Variants in DNAJC7 observed in about 807,000 individuals in gnomAD.
The protein encoded by DNAJC7 is DnaJ heat shock protein family (Hsp40) member C7.
In DNAJC7, 18 loss-of-function variants were observed where a neutral mutation model predicts 67.4. The ratio of observed to expected loss-of-function variants is 0.27; its 90% CI spans 0.18 to 0.40. DNAJC7 has a LOEUF of 0.40. Among genes scored for constraint, DNAJC7 ranks in the 10% least tolerant of loss-of-function variants. The probability of loss-of-function intolerance (pLI) is 1.00; values close to 1 mark genes in which losing one functional copy is unlikely to be tolerated. For missense variants in DNAJC7, 419 were observed against 613.8 expected (o/e 0.68, Z 3.35); for synonymous variants, 220 against 207.8 (o/e 1.06, Z -0.50).
intron 1 of DNAJC7, among the ~76,000 whole-genome samples, chr17:42,008,149 CAAAAATACA>C (rs1358569562): frequency 6.6e-6 from 1 of 151,030 alleles, no homozygotes; most frequent in Non-Finnish European, 1.5e-5. Flanking sequence ...CCCATCTCTA[CAAAAATACA>C]AAAATTAGCC....
At chr17:41,982,189 TGA>T in intron 11 of DNAJC7, 64 bp downstream of exon 11, 1 of 1,602,094 alleles carries the variant, frequency 6.2e-7, no homozygotes, top group Non-Finnish European at 8.5e-7. Context: ...CCCTCTGGAC[TGA>T]GTGTGGCAGT....
intron 4 of DNAJC7, 180 bp from the exon 5 acceptor site, chr17:41,995,124 C>G (rs1038939205): frequency 3.0e-6 from 2 of 667,260 alleles, no homozygotes; most frequent in Non-Finnish European, 5.4e-6. Context: ...TGATCCAGTT[C>G]TAGGGCTCTC....
chr17:41,998,823 G>A (rs1555649028), intron 2 of DNAJC7, among the ~76,000 whole-genome samples: 1 of 152,098 alleles, frequency 6.6e-6, no homozygotes, highest in African/African-American at 2.4e-5. Context: ...GGTGGGTTTT[G>A]CCATAACATT....
intron 1 of DNAJC7, chr17:42,016,976 A>T (rs936207763): frequency 2.4e-6 from 3 of 1,234,774 alleles, no homozygotes; most frequent in Non-Finnish European, 3.1e-6. Flanking sequence ...GAAGTTAACA[A>T]GAGAACGCGG....
chr17:41,980,735 G>A (rs2051227499), intron 12 of DNAJC7, among the ~76,000 whole-genome samples: 1 of 152,192 alleles, frequency 6.6e-6, no homozygotes, highest in Non-Finnish European at 1.5e-5. Flanking sequence ...AGCCCACAGT[G>A]AGCAACAATA....
At position 42,017,438 on chromosome 17, in the gene DNAJC7, C is replaced by T. The variant is rs1555652165; in HGVS notation, c.-22G>A. On this transcript the variant is annotated 5_prime_UTR_variant, in exon 1 of 14. Transcript: ENST00000457167. ...CCATCTTACCGCCGGGACCAGAGAG[C>T]TGGGTGGGAGGCCGGCGGTGAAGAG... 2 of 1,604,258 alleles carry T rather than the reference C, an allele frequency of 1.2e-6. 1 individual carries two copies. The highest frequency in any genetic ancestry group is 2.2e-5 in the South Asian group (2 of 91,078).
intron 12 of DNAJC7, chr17:41,981,630 T>C: frequency 1.8e-6 from 1 of 562,632 alleles, no homozygotes; most frequent in South Asian, 2.4e-5. Context: ...GGGCCATGCT[T>C]TTCTGCACTT....
chr17:41,980,345 G>A (rs548344490), intron 12 of DNAJC7, among the ~76,000 whole-genome samples: 3 of 152,226 alleles, frequency 2.0e-5, no homozygotes, highest in African/African-American at 7.2e-5. Context: ...ACCATGCCCA[G>A]CAAATTTTTT....
rs2051273175 is a variant in DNAJC7 at position 41,982,404 on chromosome 17, A to G, written c.1085-3T>C. 1 of 1,613,580 alleles carries G rather than the reference A, an allele frequency of 6.2e-7. No homozygotes were observed. Among genetic ancestry groups the G allele is most frequent in the African/African-American group, 1.3e-5 (1 of 74,866 alleles). ...ATTTTTTAGGAGCTGTTTGTGTTCT[A>G]CAGGAAGACATCTGGCATCAGTGGA... On this transcript the variant is annotated splice_region_variant and splice_polypyrimidine_tract_variant and intron_variant, in intron 10 of 13. Coordinates refer to ENST00000457167, the MANE Select transcript of DNAJC7 (RefSeq NM_003315.4).
intron 2 of DNAJC7, among the ~76,000 whole-genome samples, chr17:42,000,074 C>T (rs1555649277): frequency 5.6e-5 from 8 of 143,274 alleles, no homozygotes; most frequent in Non-Finnish European, 1.1e-4. Context: ...CTGCTTTGGC[C>T]TCCCAAAGTG....
chr17:42,000,605 T>C (rs2051783552), intron 1 of DNAJC7, 35 bp from the exon 2 acceptor site: 1 of 1,519,812 alleles, frequency 6.6e-7, no homozygotes, highest in Non-Finnish European at 9.1e-7. Flanking sequence ...CATGTTACTT[T>C]ACAAAGGGAA....
At chr17:41,992,425 C>T (rs549476183) in intron 5 of DNAJC7, among the ~76,000 whole-genome samples, 60 of 151,216 alleles carry the variant, frequency 4.0e-4, no homozygotes, top group Admixed American at 3.9e-3. Context: ...CCGCCCACCT[C>T]GGCCTCCCAA....
At chr17:41,992,782 T>G (rs2051543408) in intron 5 of DNAJC7, 1 of 152,244 alleles carries the variant, frequency 6.6e-6, no homozygotes, top group African/African-American at 2.4e-5. Context: ...ATCATAATTC[T>G]TCATTTGTGA....
At chr17:41,977,638 T>C (rs2051127766) in intron 12 of DNAJC7, 2 of 241,254 alleles carry the variant, frequency 8.3e-6, no homozygotes, top group Non-Finnish European at 8.1e-6. Flanking sequence ...ACACAAGACT[T>C]TCCCCATACT....
intron 12 of DNAJC7, among the ~76,000 whole-genome samples, chr17:41,980,974 G>A: frequency 6.6e-6 from 1 of 151,942 alleles, no homozygotes. Context: ...CCTGCCTCTA[G>A]CACCCTATCC....
chr17:41,977,478 C>G, intron 12 of DNAJC7, 155 bp from the exon 13 acceptor site: 2 of 626,878 alleles, frequency 3.2e-6, no homozygotes, highest in Non-Finnish European at 5.5e-6. Flanking sequence ...AGTGAGCAAA[C>G]CTGCCCCATC....
chr17:41,994,667 T>C (rs2051608576), intron 5 of DNAJC7, among the ~76,000 whole-genome samples: 1 of 152,174 alleles, frequency 6.6e-6, no homozygotes, highest in African/African-American at 2.4e-5. Flanking sequence ...TTTTACCTTT[T>C]ATCATAGGGC....
chr17:41,979,067 G>A (rs1340130082), intron 12 of DNAJC7, among the ~76,000 whole-genome samples: 6 of 152,268 alleles, frequency 3.9e-5, no homozygotes, highest in Non-Finnish European at 8.8e-5. Context: ...GGCTGGGTGC[G>A]GTGGCTCACG....
At chr17:41,986,973 G>T (rs1351606661) in intron 9 of DNAJC7, among the ~76,000 whole-genome samples, 2 of 152,124 alleles carry the variant, frequency 1.3e-5, no homozygotes, top group Non-Finnish European at 2.9e-5. Flanking sequence ...AGTGGAGCAG[G>T]TGCTGGAGGA....
Sources: allele counts gnomAD v4.1 joint callset (sites outside exome capture counted in the v4.1 genomes callset), GRCh38; gene constraint gnomAD v4.1.1; transcripts MANE v1.5; gene names NCBI Gene and HGNC (gene_info 2026-07-23, HGNC 2026-07-21).